The following PCGF3 variants were observed in gnomAD, a reference collection of about 807,000 sequenced individuals.
PCGF3 encodes polycomb group RING finger protein 3.
PCGF3 carries 7 observed loss-of-function variants against 33.1 expected under a neutral mutation model. The observed-to-expected ratio is 0.21, with a 90% CI of 0.12 to 0.40. PCGF3 has a LOEUF of 0.40. Among genes scored for constraint, PCGF3 ranks in the 10% least tolerant of loss-of-function variants. PCGF3 has a pLI of 1.00. For synonymous variants in PCGF3, 153 were observed against 121.3 expected, an observed-to-expected ratio of 1.26 and a Z score of -1.72; for missense variants, 211 against 313.3, an observed-to-expected ratio of 0.67 and a Z score of 2.46.
chr4:764,137 C>T (rs1560221215), intron 9 of PCGF3, among the ~76,000 whole-genome samples: 2 of 152,222 alleles, frequency 1.3e-5, no homozygotes, highest in South Asian at 4.2e-4. Context: ...GACATCCGCT[C>T]TGGACTCGGT....
intron 8 of PCGF3, among the ~76,000 whole-genome samples, chr4:747,699 G>C (rs1470646715): frequency 6.6e-6 from 1 of 151,878 alleles, no homozygotes; most frequent in Non-Finnish European, 1.5e-5. Context: ...CCGTGGAGGC[G>C]TGAGCAGGTG....
intron 8 of PCGF3, among the ~76,000 whole-genome samples, chr4:758,258 C>A (rs1400170467): frequency 6.6e-6 from 1 of 152,018 alleles, no homozygotes. Flanking sequence ...TCTCACCGGG[C>A]ACCCCCTTTC....
intron 3 of PCGF3, among the ~76,000 whole-genome samples, chr4:732,943 G>A (rs1209002318): frequency 6.6e-6 from 1 of 152,196 alleles, no homozygotes; most frequent in Non-Finnish European, 1.5e-5. Context: ...CCTCCCCGAA[G>A]GCGCAGGTCT....
exon 7 of PCGF3, chr4:743,481 G>T (rs1366864461): frequency 6.2e-7 from 1 of 1,608,004 alleles, no homozygotes; most frequent in South Asian, 1.1e-5. Flanking sequence ...CAGCGGAAAT[G>T]AGAAAGCAGA....
chr4:718,647 C>G (rs981344228), intron 1 of PCGF3, among the ~76,000 whole-genome samples: 4 of 152,284 alleles, frequency 2.6e-5, no homozygotes, highest in African/African-American at 9.6e-5. Flanking sequence ...TCGGCTGGCT[C>G]TGGCTGGGAG....
chr4:707,862 C>A (rs186338389), intron 1 of PCGF3, among the ~76,000 whole-genome samples: 2 of 76,104 alleles, frequency 2.6e-5, no homozygotes, highest in African/African-American at 8.4e-5. Flanking sequence ...CTGGGACAGC[C>A]CTGTTTTCAC....
chr4:720,245 C>T lies in PCGF3; in HGVS notation c.-189-10385C>T, dbSNP rs572551146. On this transcript the variant is annotated intron_variant, in intron 1 of 10. Transcript: ENST00000362003. The surrounding 1 kb of genome is among the most constrained non-coding windows in gnomAD (Gnocchi z 5.6). Reference sequence around the variant, plus strand: ...CCTGTGTGCCGCTGGGGAGGGTGACCGCGGGAGGAGCGCCCGTGCATCGCT... The same window carrying T: ...CCTGTGTGCCGCTGGGGAGGGTGACTGCGGGAGGAGCGCCCGTGCATCGCT... Among the ~76,000 whole-genome samples the T allele has an allele frequency of 2.0e-5, 3 of 151,820 alleles. No individual in the cohort carries two copies. Among genetic ancestry groups the T allele is most frequent in the South Asian group, 4.2e-4 (2 of 4,798 alleles).
chr4:755,121 G>A (rs985582007), intron 8 of PCGF3, among the ~76,000 whole-genome samples: 2 of 152,242 alleles, frequency 1.3e-5, no homozygotes, highest in Middle Eastern at 3.2e-3. Context: ...TGTGCACACA[G>A]GCCCGCGTGG....
At chr4:716,114 G>GA (rs1742822059) in intron 1 of PCGF3, among the ~76,000 whole-genome samples, 1 of 131,428 alleles carries the variant, frequency 7.6e-6, no homozygotes, top group African/African-American at 2.6e-5. Context: ...TAGACACTGA[G>GA]GGTGAGAACT....
chr4:765,188 C>A, intron 10 of PCGF3, 124 bp downstream of exon 10: 2 of 666,826 alleles, frequency 3.0e-6, no homozygotes, highest in Non-Finnish European at 5.4e-6. Context: ...AATCCCAGCA[C>A]TTTGGGAGGA....
chr4:726,347 A>ACGAGCAG (rs1743333293), intron 1 of PCGF3, among the ~76,000 whole-genome samples: 1 of 152,128 alleles, frequency 6.6e-6, no homozygotes, highest in African/African-American at 2.4e-5. Context: ...CCTCCCTCCA[A>ACGAGCAG]CGAGCAGCGC....
At chr4:710,829 C>G (rs745737718) in intron 1 of PCGF3, among the ~76,000 whole-genome samples, 1 of 152,192 alleles carries the variant, frequency 6.6e-6, no homozygotes, top group African/African-American at 2.4e-5. Context: ...TTTTGCTGTT[C>G]CCAGAGTCCC....
At chr4:726,551 AT>A (rs753169474) in intron 1 of PCGF3, among the ~76,000 whole-genome samples, 4 of 152,060 alleles carry the variant, frequency 2.6e-5, no homozygotes, top group Non-Finnish European at 5.9e-5. Flanking sequence ...TGACTTTGTC[AT>A]TTCCTTCATG....
intron 9 of PCGF3, among the ~76,000 whole-genome samples, chr4:763,754 C>G (rs896743981): frequency 5.9e-5 from 9 of 152,206 alleles, no homozygotes; most frequent in Non-Finnish European, 1.2e-4. Context: ...AACCTGCACC[C>G]GGATGTTGAT....
intron 7 of PCGF3, chr4:743,995 T>C: frequency 5.9e-6 from 1 of 168,498 alleles, no homozygotes; most frequent in Non-Finnish European, 1.3e-5. Flanking sequence ...GTTCATGTCT[T>C]GAGGACATTT....
chr4:734,853 G>T lies in PCGF3; in HGVS notation c.110-78G>T. The T allele has an allele frequency of 1.9e-6, 3 of 1,545,468 alleles. No individual in the cohort carries two copies. In the South Asian group the frequency reaches 3.6e-5, roughly 19 times the overall value. On this transcript the variant is annotated intron_variant, in intron 4 of 10. Coordinates refer to ENST00000362003, the Ensembl canonical transcript of PCGF3. The stretch of plus-strand genomic sequence containing the variant: ...CACAGAAACGAGCTCAGAGACGCCC[G>T]TGTTCAGTGGAGCACGCCGATGGGG...
At chr4:757,141 T>G (rs1245152999) in intron 8 of PCGF3, 2 of 152,164 alleles carry the variant, frequency 1.3e-5, no homozygotes, top group Non-Finnish European at 2.9e-5. Context: ...GTAAACATAT[T>G]TTCTTCTTGT....
chr4:733,144 ACCGTGGAAGCCGCG>A (rs758300075), intron 3 of PCGF3, among the ~76,000 whole-genome samples: 29 of 149,902 alleles, frequency 1.9e-4, no homozygotes, highest in Non-Finnish European at 4.1e-4. Context: ...CTCAGGAGAC[ACCGTGGAAGCCGCG>A]CCGGCCCCAC....
chr4:762,120 C>G, intron 9 of PCGF3: 1 of 983,374 alleles, frequency 1.0e-6, no homozygotes. Context: ...AGTGGTGGCC[C>G]CAGAAGATAA....
Sources: gnomAD v4.1 joint callset for allele counts (sites outside exome capture counted in the v4.1 genomes callset) on GRCh38, gnomAD v4.1.1 for gene constraint, Gnocchi (gnomAD v3.1) non-coding constraint, MANE v1.5 for transcripts, NCBI Gene and HGNC (gene_info 2026-07-23, HGNC 2026-07-21) for gene names.